The following DLG2 variants were observed in gnomAD, a reference collection of about 807,000 sequenced individuals.
DLG2 encodes disks large homolog 2.
In DLG2, 45 loss-of-function variants were observed where a neutral mutation model predicts 132.5. The observed-to-expected ratio is 0.34, with a 90% CI of 0.27 to 0.44. DLG2 has a LOEUF of 0.44. Among genes scored for constraint, DLG2 ranks in the 20% least tolerant of loss-of-function variants. The pLI is 1.00. For synonymous variants in DLG2, 424 were observed against 419.6 expected, an observed-to-expected ratio of 1.01 and a Z score of -0.13; for missense variants, 1,045 against 1,196.9, an observed-to-expected ratio of 0.87 and a Z score of 1.87.
At chr11:84,547,717 C>CT (rs1401610763) in intron 6 of DLG2, among the ~76,000 whole-genome samples, 5 of 152,118 alleles carry the variant, frequency 3.3e-5, no homozygotes, top group Non-Finnish European at 4.4e-5. Flanking sequence ...GAGAATCCCT[C>CT]TTTTTTCTCA....
In DLG2 at chr11:83,459,938, A is replaced by G; in HGVS notation, c.2822-14T>C. On this transcript the variant is annotated splice_polypyrimidine_tract_variant and intron_variant, in intron 27 of 27. Transcript: ENST00000376104. ...CTTGGACAATAGCTGTAACAAAAGCAAACACACCCAGAATTAGAAATAATT... is the reference window on the plus strand; with the variant it reads ...CTTGGACAATAGCTGTAACAAAAGCGAACACACCCAGAATTAGAAATAATT... 2 of 1,372,240 alleles carry G rather than the reference A, an allele frequency of 1.5e-6. No homozygotes were observed. The highest frequency in any genetic ancestry group is 1.8e-4 in the Middle Eastern group (1 of 5,568). The allele number at this position is 1,372,240 out of a possible 1,614,324, so 85.0% of individuals were successfully genotyped here. A position where few individuals can be genotyped will look rare whatever the true frequency, so the allele number is the denominator to read the frequency against.
chr11:84,317,435 G>T, intron 7 of DLG2: 1 of 1,155,756 alleles, frequency 8.7e-7, no homozygotes, highest in African/African-American at 1.6e-5. Context: ...CCACACAGCT[G>T]GGCTACAAGA....
At chr11:84,266,574 A>G (rs2097639532) in intron 7 of DLG2, among the ~76,000 whole-genome samples, 1 of 152,248 alleles carries the variant, frequency 6.6e-6, no homozygotes, top group Non-Finnish European at 1.5e-5. Flanking sequence ...TGAATCCAAC[A>G]TGATTGAGGA....
At chr11:83,800,141 C>T (rs902242703) in intron 17 of DLG2, among the ~76,000 whole-genome samples, 4 of 152,042 alleles carry the variant, frequency 2.6e-5, no homozygotes, top group Admixed American at 2.6e-4. Context: ...GGGAAAAGTG[C>T]TAGGGTTGAA....
intron 3 of DLG2, among the ~76,000 whole-genome samples, chr11:85,382,289 T>C (rs2085956419): frequency 6.6e-6 from 1 of 152,112 alleles, no homozygotes; most frequent in African/African-American, 2.4e-5. Flanking sequence ...TTTCAACAAA[T>C]GTTTTGGGGA....
intron 19 of DLG2, 125 bp from the exon 20 acceptor site, chr11:83,541,983 G>T: frequency 2.3e-6 from 2 of 860,872 alleles, no homozygotes; most frequent in Non-Finnish European, 3.4e-6. Flanking sequence ...CTCCCGGAAT[G>T]ATTCCCTGGA....
At chr11:84,526,864 C>T (rs1365977964) in intron 7 of DLG2, among the ~76,000 whole-genome samples, 3 of 150,412 alleles carry the variant, frequency 2.0e-5, no homozygotes, top group Non-Finnish European at 3.0e-5. Context: ...CTGCAAGCTC[C>T]GCCTCCCGGG....
chr11:84,181,783 T>C (rs1170059795), intron 8 of DLG2, among the ~76,000 whole-genome samples: 1 of 152,170 alleles, frequency 6.6e-6, no homozygotes, highest in Non-Finnish European at 1.5e-5. Flanking sequence ...CAGAGATAAA[T>C]AGAGGCATTA....
At chr11:85,616,260 C>A (rs2081332083) in intron 2 of DLG2, among the ~76,000 whole-genome samples, 1 of 152,084 alleles carries the variant, frequency 6.6e-6, no homozygotes, top group South Asian at 2.1e-4. Context: ...AAGTGAAGTT[C>A]ATGAACATTA....
intron 3 of DLG2, among the ~76,000 whole-genome samples, chr11:85,422,679 T>C (rs2090414842): frequency 6.6e-6 from 1 of 151,972 alleles, no homozygotes; most frequent in African/African-American, 2.4e-5. Flanking sequence ...TTAGTAGAGA[T>C]GGGGTTTTAC....
intron 7 of DLG2, among the ~76,000 whole-genome samples, chr11:84,312,819 T>C (rs1365889244): frequency 6.6e-6 from 1 of 152,118 alleles, no homozygotes; most frequent in East Asian, 1.9e-4. Context: ...TTAGTAGTAG[T>C]ATTATTTTCA....
intron 8 of DLG2, among the ~76,000 whole-genome samples, chr11:84,226,521 T>C (rs1319542760): frequency 1.3e-5 from 2 of 152,106 alleles, no homozygotes; most frequent in Non-Finnish European, 2.9e-5. Flanking sequence ...AAATTGCAAA[T>C]AGGTCAGTGG....
At chr11:85,126,065 T>C (rs528659354) in intron 5 of DLG2, among the ~76,000 whole-genome samples, 11 of 152,106 alleles carry the variant, frequency 7.2e-5, no homozygotes, top group Non-Finnish European at 1.6e-4. Flanking sequence ...GATGGTCATC[T>C]AGAAAAAAAA....
intron 6 of DLG2, among the ~76,000 whole-genome samples, chr11:84,670,744 A>G (rs942101783): frequency 6.6e-6 from 1 of 152,118 alleles, no homozygotes; most frequent in Non-Finnish European, 1.5e-5. Context: ...CAAGATTTGA[A>G]CTTAGTCCTG....
At chr11:84,703,182 G>C (rs183243411) in intron 6 of DLG2, among the ~76,000 whole-genome samples, 4 of 151,754 alleles carry the variant, frequency 2.6e-5, no homozygotes. Flanking sequence ...TGAATGAAGT[G>C]TTCCTATGCT....
At chr11:85,076,731 C>A (rs1445782613) in intron 6 of DLG2, among the ~76,000 whole-genome samples, 1 of 152,008 alleles carries the variant, frequency 6.6e-6, no homozygotes, top group African/African-American at 2.4e-5. Flanking sequence ...CAGTAAAGGC[C>A]TCATTCAAAC....
chr11:84,743,005 C>A lies in DLG2; in HGVS notation c.358-208274G>T, dbSNP rs1338656686. Among the ~76,000 whole-genome samples, 3 of 152,064 alleles carry A rather than the reference C, an allele frequency of 2.0e-5. No homozygotes were observed. In the East Asian group the frequency reaches 5.8e-4, roughly 29 times the overall value. On this transcript the variant is annotated intron_variant, in intron 6 of 27. Coordinates refer to ENST00000376104, the MANE Select transcript of DLG2 (RefSeq NM_001142699.3). ...TCAAAAAATATATACTGACACATAT[C>A]ATAGAGACCCTAGTAGTGAGCTCTT...
At chr11:84,143,479 T>A (rs2154241823) in intron 9 of DLG2, among the ~76,000 whole-genome samples, 1 of 152,288 alleles carries the variant, frequency 6.6e-6, no homozygotes, top group East Asian at 1.9e-4. Flanking sequence ...ACCAAACATC[T>A]TAAACTTTAA....
At chr11:84,075,857 G>A (rs1053248363) in intron 10 of DLG2, among the ~76,000 whole-genome samples, 1 of 152,018 alleles carries the variant, frequency 6.6e-6, no homozygotes, top group African/African-American at 2.4e-5. Flanking sequence ...TGAGATTATT[G>A]GTGACATTTT....
Sources: allele counts gnomAD v4.1 joint callset (sites outside exome capture counted in the v4.1 genomes callset), GRCh38; gene constraint gnomAD v4.1.1; transcripts MANE v1.5; gene names NCBI Gene and HGNC (gene_info 2026-07-23, HGNC 2026-07-21).